The following HEATR5B variants were observed in gnomAD, a reference collection of about 807,000 sequenced individuals.
HEATR5B encodes HEAT repeat containing 5B, also known as HEAT repeat-containing protein 5B.
HEATR5B carries 156 observed loss-of-function variants against 224.1 expected under a neutral mutation model. The ratio of observed to expected loss-of-function variants is 0.70; its 90% CI spans 0.61 to 0.80. HEATR5B has a LOEUF of 0.80. Among genes scored for constraint, HEATR5B ranks in the 30% least tolerant of loss-of-function variants. HEATR5B has a pLI of 0.00. For missense variants in HEATR5B, 2,323 were observed against 2,535.5 expected (o/e 0.92, Z 1.80); for synonymous variants, 1,027 against 893.0 (o/e 1.15, Z -2.68).
chr2:36,995,513 T>C (rs1666640766), intron 33 of HEATR5B, among the ~76,000 whole-genome samples: 1 of 152,232 alleles, frequency 6.6e-6, no homozygotes, highest in African/African-American at 2.4e-5. Context: ...TTAATCACAT[T>C]AATAAAACTA....
chr2:37,031,430 C>CTTTT (rs1558755776), intron 22 of HEATR5B, among the ~76,000 whole-genome samples: 1 of 133,170 alleles, frequency 7.5e-6, no homozygotes. Flanking sequence ...TTTTTCTTTT[C>CTTTT]TTTCTTTTTT....
chr2:37,007,276 A>G lies in HEATR5B; in HGVS notation c.4551T>C (p.Ile1517=), dbSNP rs1030108112. 3 of 1,613,904 alleles carry G rather than the reference A, an allele frequency of 1.9e-6. No homozygotes were observed. Among genetic ancestry groups the G allele is most frequent in the Non-Finnish European group, 2.5e-6 (3 of 1,179,994 alleles). The change falls in exon 29 of 36, where the codon ATT becomes ATC. Residue 1517 remains isoleucine (I), a synonymous_variant. Coordinates refer to ENST00000233099, the MANE Select transcript of HEATR5B (RefSeq NM_019024.3). ...DGGAFYTPET[I]DTARLHYRNS... is the part of the protein sequence containing the mutation. ...TCCGATAGTGAAGTCTAGCTGTATC[A>G]ATAGTTTCAGGGGTATAAAATGCTC...
At chr2:37,040,284 A>T in intron 20 of HEATR5B, 45 bp downstream of exon 20, 1 of 1,438,040 alleles carries the variant, frequency 7.0e-7, no homozygotes, top group Non-Finnish European at 9.7e-7. Flanking sequence ...ATTTAAAGAT[A>T]CTGATTATCT....
chr2:36,992,257 T>G (rs1222269541), intron 33 of HEATR5B, among the ~76,000 whole-genome samples: 1 of 151,366 alleles, frequency 6.6e-6, no homozygotes, highest in African/African-American at 2.4e-5. Context: ...TTTAATCAAT[T>G]TATAATAACC....
chr2:37,020,581 C>G (rs1572822624), intron 25 of HEATR5B, 74 bp downstream of exon 25: 1 of 1,112,266 alleles, frequency 9.0e-7, no homozygotes, highest in Admixed American at 2.8e-5. Flanking sequence ...ATGCAGTCCT[C>G]CAGGAAGTCT....
At chr2:37,015,543 G>A (rs758850019) in intron 26 of HEATR5B, among the ~76,000 whole-genome samples, 67 of 152,154 alleles carry the variant, frequency 4.4e-4, no homozygotes, top group Non-Finnish European at 9.1e-4. Context: ...GCGGGTGAAG[G>A]GAGATACAAA....
intron 27 of HEATR5B, among the ~76,000 whole-genome samples, chr2:37,010,114 T>A (rs1168191117): frequency 6.6e-6 from 1 of 152,210 alleles, no homozygotes; most frequent in Non-Finnish European, 1.5e-5. Context: ...TCATATTTAT[T>A]TTCCTTTGTT....
intron 20 of HEATR5B, among the ~76,000 whole-genome samples, chr2:37,040,009 T>G (rs1475944304): frequency 6.6e-6 from 1 of 152,222 alleles, no homozygotes; most frequent in Non-Finnish European, 1.5e-5. Context: ...CAAAAGTCCA[T>G]GAAGACATGT....
At chr2:37,055,767 C>G (rs1324495263) in intron 16 of HEATR5B, among the ~76,000 whole-genome samples, 1 of 152,118 alleles carries the variant, frequency 6.6e-6, no homozygotes, top group Non-Finnish European at 1.5e-5. Flanking sequence ...CCAGACCCAA[C>G]AATACTTTTA....
At chr2:37,017,318 G>A (rs1389264448) in intron 26 of HEATR5B, among the ~76,000 whole-genome samples, 1 of 151,824 alleles carries the variant, frequency 6.6e-6, no homozygotes, top group Non-Finnish European at 1.5e-5. Context: ...GCTTGAACTC[G>A]GGAGGCGGAG....
chr2:36,991,951 T>C (rs1666360917), intron 33 of HEATR5B, among the ~76,000 whole-genome samples: 1 of 152,216 alleles, frequency 6.6e-6, no homozygotes, highest in South Asian at 2.1e-4. Context: ...AGATGTCGGC[T>C]GGGTGTGGTG....
intron 10 of HEATR5B, among the ~76,000 whole-genome samples, 178 bp downstream of exon 10, chr2:37,064,562 C>A (rs188685203): frequency 9.2e-5 from 14 of 152,012 alleles, no homozygotes; most frequent in Admixed American, 8.5e-4. Context: ...ATCCTTACAT[C>A]AGAATTAAAT....
chr2:37,017,212 C>G (rs1048354862), intron 26 of HEATR5B, among the ~76,000 whole-genome samples: 11 of 152,128 alleles, frequency 7.2e-5, no homozygotes, highest in Non-Finnish European at 5.9e-5. Context: ...CGGTGAAACC[C>G]CGTCTCTACC....
rs1354982525 is a variant in HEATR5B at position 37,059,446 on chromosome 2, G to GTGTGTA, written c.1850-460_1850-459insTACACA. ...TGTGTGTGTGTGTGTGTGTGTGTGT[G>GTGTGTA]TATATATATATATATATATTTTTTT... On this transcript the variant is annotated intron_variant, in intron 12 of 35. Coordinates refer to ENST00000233099, the MANE Select transcript of HEATR5B (RefSeq NM_019024.3). Among the ~76,000 whole-genome samples, 101 of 42,302 alleles carry GTGTGTA rather than the reference G, an allele frequency of 2.4e-3. 1 individual carries two copies. Among genetic ancestry groups the GTGTGTA allele is most frequent in the African/African-American group, 6.5e-3 (81 of 12,494 alleles). 27.8% of individuals were successfully genotyped at this position (42,302 alleles called of 152,430 possible).
chr2:36,988,565 C>A, intron 35 of HEATR5B, 81 bp downstream of exon 35: 1 of 1,246,066 alleles, frequency 8.0e-7, no homozygotes. Context: ...CCCAGCAGGC[C>A]TGTTTCTAAT....
chr2:37,033,728 T>A (rs1327783891), intron 21 of HEATR5B, among the ~76,000 whole-genome samples: 1 of 152,220 alleles, frequency 6.6e-6, no homozygotes, highest in Non-Finnish European at 1.5e-5. Context: ...TGTCACTTAT[T>A]CCTGTGACAC....
In HEATR5B at chr2:37,002,382, T is replaced by A; in HGVS notation, c.5241A>T (p.Leu1747=). Residue 1747 remains leucine (L), a synonymous_variant, in exon 32 of 36, where the codon CTA becomes CTT. Coordinates refer to ENST00000233099, the MANE Select transcript of HEATR5B (RefSeq NM_019024.3). ...CCACCAAACGAGCACTTTCTTCTGA[T>A]AGTCGAGTTTTAGTGGCTATGTGAC... ...SPSHIATKTR[L]SEESARLVAA... The A allele has an allele frequency of 6.2e-7, 1 of 1,614,218 alleles. No homozygotes were observed. Among genetic ancestry groups the A allele is most frequent in the Non-Finnish European group, 8.5e-7 (1 of 1,180,032 alleles).
chr2:37,054,194 T>C lies in HEATR5B; in HGVS notation c.2400-587A>G, dbSNP rs1189587474. 4.7e-4 allele frequency among the ~76,000 whole-genome samples: 68 copies of C among 144,850 alleles called. 1 individual carries two copies. Among genetic ancestry groups the C allele is most frequent in the African/African-American group, 1.6e-3 (63 of 39,928 alleles). On this transcript the variant is annotated intron_variant, in intron 16 of 35. Coordinates refer to ENST00000233099, the MANE Select transcript of HEATR5B (RefSeq NM_019024.3). ...TGGCCATCTTAGATGATTTCTCTGT[T>C]TTTTTTTTTTTTTTTTTGAGATGGA...
chr2:37,021,043 A>T (rs1159143070), intron 24 of HEATR5B, among the ~76,000 whole-genome samples: 1 of 152,146 alleles, frequency 6.6e-6, no homozygotes, highest in Admixed American at 6.5e-5. Flanking sequence ...AATGCTGATG[A>T]TGTTATAGGA....
Sources: allele counts gnomAD v4.1 joint callset (sites outside exome capture counted in the v4.1 genomes callset), GRCh38; gene constraint gnomAD v4.1.1; transcripts MANE v1.5; gene names NCBI Gene and HGNC (gene_info 2026-07-23, HGNC 2026-07-21).